The following ANKMY2 variants were observed in gnomAD, a reference collection of about 807,000 sequenced individuals.
ANKMY2 encodes the protein ankyrin repeat and MYND domain-containing protein 2.
ANKMY2 carries 36 observed loss-of-function variants against 50.4 expected under a neutral mutation model. That is an observed-to-expected ratio of 0.71 (90% CI 0.55 to 0.94). ANKMY2 has a LOEUF of 0.94. Among genes scored for constraint, ANKMY2 ranks in the 40% least tolerant of loss-of-function variants. The pLI is 0.00. For synonymous variants in ANKMY2, 187 were observed against 178.8 expected (o/e 1.05, Z -0.36); for missense variants, 565 against 524.0 (o/e 1.08, Z -0.76).
At chr7:16,624,939 A>G (rs746013152) in intron 4 of ANKMY2, 44 bp downstream of exon 4, 1 of 1,542,962 alleles carries the variant, frequency 6.5e-7, no homozygotes, top group East Asian at 2.3e-5. Flanking sequence ...TCCACAAGGG[A>G]AATTTTGGGT....
intron 2 of ANKMY2, among the ~76,000 whole-genome samples, chr7:16,633,168 T>C (rs1000376941): frequency 1.7e-4 from 26 of 152,050 alleles, no homozygotes; most frequent in African/African-American, 6.0e-4. Context: ...TCAGATATAA[T>C]TTATAAAATT....
At chr7:16,626,360 CTATT>C (rs1336917584) in intron 3 of ANKMY2, among the ~76,000 whole-genome samples, 3 of 152,212 alleles carry the variant, frequency 2.0e-5, no homozygotes, top group East Asian at 1.9e-4. Context: ...TATTTTAACT[CTATT>C]TATGGTATAT....
At chr7:16,635,454 C>A (rs1022798683) in intron 2 of ANKMY2, among the ~76,000 whole-genome samples, 1 of 152,114 alleles carries the variant, frequency 6.6e-6, no homozygotes, top group Admixed American at 6.5e-5. Context: ...CAGGTATATA[C>A]ATATGTCAAG....
In ANKMY2 at chr7:16,623,669, G is replaced by A. The variant is rs1290417186; in HGVS notation, c.370+1314C>T. ...ACATGAACTAAAGTTCAAGTCTCCA[G>A]ATTCCTACTTTAGTGTTCTTTCCCC... On this transcript the variant is annotated intron_variant, in intron 4 of 9. Transcript: ENST00000306999. Among the ~76,000 whole-genome samples the A allele has an allele frequency of 3.3e-5, 5 of 152,114 alleles. No individual in the cohort carries two copies. The East Asian group carries it at 9.6e-4, about 29-fold the overall frequency.
intron 7 of ANKMY2, 138 bp downstream of exon 7, chr7:16,609,492 C>G (rs1178303008): frequency 1.0e-6 from 1 of 992,222 alleles, no homozygotes; most frequent in Non-Finnish European, 1.4e-6. Context: ...GTTTGGCAGG[C>G]AAACCTATCT....
chr7:16,614,404 T>A (rs1781308135), intron 5 of ANKMY2, among the ~76,000 whole-genome samples: 1 of 152,052 alleles, frequency 6.6e-6, no homozygotes, highest in Admixed American at 6.6e-5. Flanking sequence ...AAACTCTGAG[T>A]TTTCTAAAAT....
chr7:16,644,760 G>C (rs1425732286), intron 1 of ANKMY2: 1 of 469,770 alleles, frequency 2.1e-6, no homozygotes, highest in Non-Finnish European at 4.4e-6. Flanking sequence ...ATGGCTTCTG[G>C]CTCGTCCTCG....
At chr7:16,644,211 A>C (rs532859888) in intron 1 of ANKMY2, among the ~76,000 whole-genome samples, 56 of 152,358 alleles carry the variant, frequency 3.7e-4, no homozygotes, top group African/African-American at 1.3e-3. Context: ...AATTACCTAG[A>C]GACAGGAAGA....
At chr7:16,611,742 C>A (rs963214049) in intron 5 of ANKMY2, among the ~76,000 whole-genome samples, 2 of 152,140 alleles carry the variant, frequency 1.3e-5, no homozygotes, top group East Asian at 3.9e-4. Flanking sequence ...TGATCCCCAC[C>A]CTTCACCTAT....
intron 1 of ANKMY2, among the ~76,000 whole-genome samples, chr7:16,643,274 C>T (rs1200768329): frequency 6.6e-6 from 1 of 152,204 alleles, no homozygotes; most frequent in Non-Finnish European, 1.5e-5. Flanking sequence ...CTCATACTGT[C>T]ATAGCTTAAA....
At chr7:16,616,080 A>G (rs944961974) in intron 4 of ANKMY2, among the ~76,000 whole-genome samples, 176 bp from the exon 5 acceptor site, 1 of 152,202 alleles carries the variant, frequency 6.6e-6, no homozygotes, top group Non-Finnish European at 1.5e-5. Flanking sequence ...GAACATTTAT[A>G]AACATTCCTT....
Position 16,645,500 on chromosome 7 carries a change from C to G in ANKMY2, c.67+7G>C. The G allele has an allele frequency of 1.2e-6, 2 of 1,610,452 alleles. No homozygotes were observed. Among genetic ancestry groups the G allele is most frequent in the Non-Finnish European group, 1.7e-6 (2 of 1,178,430 alleles). On this transcript the variant is annotated splice_region_variant and intron_variant, in intron 1 of 9. Coordinates refer to ENST00000306999, the MANE Select transcript of ANKMY2 (RefSeq NM_020319.3). The stretch of plus-strand genomic sequence containing the variant: ...GCCGCGGCCGCGTCGCAGCCCAGCA[C>G]CCGTACCTTTCCCGATGACTTCCAG...
chr7:16,603,688 T>C (rs1195078141), intron 8 of ANKMY2: 1 of 471,216 alleles, frequency 2.1e-6, no homozygotes, highest in Non-Finnish European at 4.4e-6. Context: ...TGACTTCAGA[T>C]TGGGCCATGT....
chr7:16,631,466 A>C (rs1781580511), intron 2 of ANKMY2, among the ~76,000 whole-genome samples: 1 of 152,184 alleles, frequency 6.6e-6, no homozygotes, highest in South Asian at 2.1e-4. Context: ...TAATGGTATA[A>C]TTAGTGTAAA....
intron 2 of ANKMY2, among the ~76,000 whole-genome samples, chr7:16,635,760 T>C (rs967176886): frequency 1.3e-5 from 2 of 152,182 alleles, no homozygotes; most frequent in Admixed American, 6.5e-5. Context: ...TCAGTTAAAA[T>C]TGATACATAT....
At chr7:16,617,118 C>T (rs1781366716) in intron 4 of ANKMY2, among the ~76,000 whole-genome samples, 3 of 151,700 alleles carry the variant, frequency 2.0e-5, no homozygotes, top group South Asian at 4.2e-4. Flanking sequence ...TATTGAAGCT[C>T]GATGTAGATT....
intron 4 of ANKMY2, among the ~76,000 whole-genome samples, chr7:16,617,720 C>A (rs145806816): frequency 1.9e-3 from 288 of 152,226 alleles, no homozygotes; most frequent in African/African-American, 6.6e-3. Context: ...AATCCCAGCA[C>A]TTTGGGAGGC....
At position 16,621,716 on chromosome 7, in the gene ANKMY2, G is replaced by A. The variant is rs183350664; in HGVS notation, c.370+3267C>T. Among the ~76,000 whole-genome samples, 242 of 152,250 alleles carry A rather than the reference G, an allele frequency of 1.6e-3. 3 individuals are homozygous for A. The highest frequency in any genetic ancestry group is 5.4e-3 in the African/African-American group (225 of 41,530). On this transcript the variant is annotated intron_variant, in intron 4 of 9. Coordinates refer to ENST00000306999, the MANE Select transcript of ANKMY2 (RefSeq NM_020319.3). ...CTGCCGGGCACAGTGGTTCATGCCT[G>A]TAATCCTAAGGACTTTGGGAGGTGG...
At chr7:16,619,794 A>G (rs1781407208) in intron 4 of ANKMY2, among the ~76,000 whole-genome samples, 1 of 152,208 alleles carries the variant, frequency 6.6e-6, no homozygotes, top group Non-Finnish European at 1.5e-5. Context: ...TGAGTCCTCT[A>G]GACTTACAGG....
Sources: gnomAD v4.1 joint callset for allele counts (sites outside exome capture counted in the v4.1 genomes callset) on GRCh38, gnomAD v4.1.1 for gene constraint, MANE v1.5 for transcripts, NCBI Gene and HGNC (gene_info 2026-07-23, HGNC 2026-07-21) for gene names.